Variants in AGMO observed in about 807,000 individuals in gnomAD.
AGMO encodes alkylglycerol monooxygenase.
A neutral mutation model predicts 60.2 loss-of-function variants in AGMO; 75 were observed. The observed-to-expected ratio is 1.25, with a 90% CI of 1.03 to 1.51. AGMO has a LOEUF of 1.51. Among genes scored for constraint, AGMO ranks in the 40% most tolerant of loss-of-function variants. The probability of loss-of-function intolerance (pLI) is 0.00; values close to 1 mark genes in which losing one functional copy is unlikely to be tolerated. For missense variants in AGMO, 763 were observed against 525.5 expected (o/e 1.45, Z -4.42); for synonymous variants, 261 against 177.1 (o/e 1.47, Z -3.76).
intron 12 of AGMO, among the ~76,000 whole-genome samples, chr7:15,340,228 T>TAC (rs1554418345): frequency 6.6e-6 from 1 of 152,206 alleles, no homozygotes; most frequent in Non-Finnish European, 1.5e-5. Context: ...AATTGCACGT[T>TAC]ACACACCTGC....
At chr7:15,456,399 C>A (rs1477045778) in intron 3 of AGMO, among the ~76,000 whole-genome samples, 2 of 152,076 alleles carry the variant, frequency 1.3e-5, no homozygotes, top group Non-Finnish European at 2.9e-5. Flanking sequence ...TGAGTCTCTA[C>A]ACATCAGGAA....
intron 3 of AGMO, among the ~76,000 whole-genome samples, chr7:15,513,455 TGGTGGGA>T (rs1285322551): frequency 1.3e-5 from 2 of 152,188 alleles, no homozygotes; most frequent in Non-Finnish European, 2.9e-5. Flanking sequence ...CTTCACATTC[TGGTGGGA>T]GTGTGGGTGA....
At chr7:15,449,819 C>G (rs1781811138) in intron 3 of AGMO, among the ~76,000 whole-genome samples, 1 of 152,120 alleles carries the variant, frequency 6.6e-6, no homozygotes, top group African/African-American at 2.4e-5. Context: ...GGTACTATTA[C>G]TAATGAGTAA....
the AGMO span, among the ~76,000 whole-genome samples, chr7:15,121,498 T>C: frequency 8.5e-5 from 13 of 152,214 alleles, no homozygotes; most frequent in Non-Finnish European, 8.8e-5. Context: ...TTCCAGACTT[T>C]TTAATGAACA....
At chr7:15,305,926 A>T (rs1194718296) in intron 12 of AGMO, among the ~76,000 whole-genome samples, 1 of 152,032 alleles carries the variant, frequency 6.6e-6, no homozygotes. Flanking sequence ...TTTCATTTTA[A>T]AATTCCAGAT....
intron 12 of AGMO, among the ~76,000 whole-genome samples, chr7:15,331,637 G>A (rs1319794861): frequency 1.3e-5 from 2 of 152,024 alleles, no homozygotes; most frequent in Non-Finnish European, 2.9e-5. Flanking sequence ...TTTTAGTTAA[G>A]AATTGCCGAC....
chr7:15,326,360 T>C (rs979228247), intron 12 of AGMO, among the ~76,000 whole-genome samples: 6 of 152,166 alleles, frequency 3.9e-5, no homozygotes, highest in Non-Finnish European at 8.8e-5. Context: ...TTTTAGAATA[T>C]AGCGTCTTGG....
intron 5 of AGMO, among the ~76,000 whole-genome samples, chr7:15,417,754 C>T (rs1042172906): frequency 6.6e-6 from 1 of 152,120 alleles, no homozygotes; most frequent in African/African-American, 2.4e-5. Flanking sequence ...TTTGTTGTAT[C>T]AAGATTTCAC....
At chr7:15,493,362 CTTCT>C (rs1783124749) in intron 3 of AGMO, among the ~76,000 whole-genome samples, 1 of 102,264 alleles carries the variant, frequency 9.8e-6, no homozygotes, top group African/African-American at 4.0e-5. Context: ...CACACACACA[CTTCT>C]TTTTTTTTTT....
At chr7:15,167,517 C>G in the AGMO span, among the ~76,000 whole-genome samples, 1 of 152,124 alleles carries the variant, frequency 6.6e-6, no homozygotes, top group African/African-American at 2.4e-5. Context: ...TTACAACCTC[C>G]AAACACTAAA....
At chr7:15,332,851 C>T (rs147273416) in intron 12 of AGMO, among the ~76,000 whole-genome samples, 1,632 of 151,952 alleles carry the variant, frequency 0.011, 35 homozygotes, top group African/African-American at 0.038. Context: ...CTACATTTTC[C>T]TATCCTAATA....
At chr7:15,555,892 C>A (rs888508524) in intron 2 of AGMO, among the ~76,000 whole-genome samples, 1 of 151,916 alleles carries the variant, frequency 6.6e-6, no homozygotes, top group Admixed American at 6.6e-5. Context: ...AATTAACAAA[C>A]CAACAAGTTT....
At chr7:15,368,226 T>C (rs1480591128) in intron 10 of AGMO, among the ~76,000 whole-genome samples, 1 of 150,466 alleles carries the variant, frequency 6.6e-6, no homozygotes, top group Non-Finnish European at 1.5e-5. Context: ...AAGAGAGTGC[T>C]ATTAATATTT....
chr7:15,201,275 C>T lies in AGMO; in HGVS notation c.*10G>A. 1 of 1,596,394 alleles carries T rather than the reference C, an allele frequency of 6.3e-7. No individual in the cohort carries two copies. The highest frequency in any genetic ancestry group is 1.3e-5 in the African/African-American group (1 of 74,362). On this transcript the variant is annotated 3_prime_UTR_variant, in exon 13 of 13. Transcript: ENST00000342526. Reference sequence around the variant, plus strand: ...CTCATTAAAAGAAGAGAATTATGTACAAATTCAGGTTATTTCCAAGGGTGA... The same window carrying T: ...CTCATTAAAAGAAGAGAATTATGTATAAATTCAGGTTATTTCCAAGGGTGA...
intron 12 of AGMO, among the ~76,000 whole-genome samples, chr7:15,339,639 T>C (rs1026370816): frequency 4.6e-5 from 7 of 152,190 alleles, no homozygotes; most frequent in African/African-American, 1.7e-4. Context: ...ATTAAATGTA[T>C]TAAAGTTATA....
chr7:15,317,568 C>T (rs1013740986), intron 12 of AGMO, among the ~76,000 whole-genome samples: 17 of 151,960 alleles, frequency 1.1e-4, no homozygotes, highest in African/African-American at 3.4e-4. Flanking sequence ...AATTTCTTAC[C>T]ATTTTAAACA....
intron 5 of AGMO, chr7:15,396,490 C>G (rs1206974489): frequency 6.6e-6 from 1 of 152,298 alleles, no homozygotes; most frequent in Middle Eastern, 3.4e-3. Context: ...GTGGCAGGGA[C>G]CCAAAGAACG....
intron 12 of AGMO, among the ~76,000 whole-genome samples, chr7:15,238,844 T>TA (rs1675502070): frequency 6.6e-6 from 1 of 152,066 alleles, no homozygotes; most frequent in South Asian, 2.1e-4. Flanking sequence ...ATTTGAAATA[T>TA]AAAAAATACA....
At chr7:15,388,369 G>C (rs1397212782) in intron 8 of AGMO, among the ~76,000 whole-genome samples, 1 of 152,070 alleles carries the variant, frequency 6.6e-6, no homozygotes. Context: ...TGGGTTAATG[G>C]AATAGATCTG....
Sources: allele counts gnomAD v4.1 joint callset (sites outside exome capture counted in the v4.1 genomes callset), GRCh38; gene constraint gnomAD v4.1.1; transcripts MANE v1.5; gene names NCBI Gene and HGNC (gene_info 2026-07-23, HGNC 2026-07-21).